Variants in STIM2 observed in about 807,000 individuals in gnomAD.
STIM2 encodes stromal interaction molecule 2.
Under a neutral mutation model 85.8 loss-of-function variants are expected in STIM2, and 31 were observed. The observed-to-expected ratio is 0.36, with a 90% CI of 0.27 to 0.49. The LOEUF (loss-of-function observed/expected upper bound fraction) is 0.49. Ranked by LOEUF, STIM2 falls within the 20% of genes least tolerant of loss-of-function variation. The pLI, the probability that STIM2 is intolerant of heterozygous loss-of-function variation, is 0.98. For synonymous variants in STIM2, 356 were observed against 331.1 expected (o/e 1.08, Z -0.82); for missense variants, 841 against 927.6 (o/e 0.91, Z 1.21).
At chr4:26,892,812 A>G (rs1341204214) in intron 1 of STIM2, among the ~76,000 whole-genome samples, 1 of 152,204 alleles carries the variant, frequency 6.6e-6, no homozygotes, top group Non-Finnish European at 1.5e-5. Context: ...CTTGCTAGCT[A>G]AAAACAAACT....
At chr4:26,991,141 T>G (rs756067206) in intron 3 of STIM2, among the ~76,000 whole-genome samples, 5 of 152,164 alleles carry the variant, frequency 3.3e-5, no homozygotes, top group Non-Finnish European at 5.9e-5. Context: ...TCATGTTTAC[T>G]GCAGCACTAT....
chr4:26,911,944 G>A lies in STIM2; in HGVS notation c.152-7560G>A, dbSNP rs1474688496. Reference sequence around the variant, plus strand: ...AAGGGAATACTAGGAATATGAAAAAGACTTTGCCCTAGAGAGGGTATCAGA... The same window carrying A: ...AAGGGAATACTAGGAATATGAAAAAAACTTTGCCCTAGAGAGGGTATCAGA... On this transcript the variant is annotated intron_variant, in intron 1 of 11. Transcript: ENST00000467087. Among the ~76,000 whole-genome samples the A allele has an allele frequency of 2.0e-5, 3 of 152,260 alleles. No individual in the cohort carries two copies. The South Asian group carries it at 6.2e-4, about 32-fold the overall frequency.
intron 10 of STIM2, among the ~76,000 whole-genome samples, chr4:27,016,569 G>T (rs1170681663): frequency 6.6e-6 from 1 of 152,148 alleles, no homozygotes; most frequent in Admixed American, 6.5e-5. Context: ...TGAGATGTAG[G>T]CTCAGAGTAT....
intron 1 of STIM2, among the ~76,000 whole-genome samples, chr4:26,885,016 T>TA (rs1723162391): frequency 1.3e-5 from 2 of 152,236 alleles, no homozygotes. Flanking sequence ...AAATTATTTC[T>TA]AAAACGTGTG....
intron 1 of STIM2, among the ~76,000 whole-genome samples, chr4:26,882,839 CT>C (rs59438121): frequency 2.0e-3 from 268 of 137,168 alleles, no homozygotes; most frequent in Middle Eastern, 3.9e-3. Context: ...CCTTTTCTTT[CT>C]TTTTTTTTTT....
intron 1 of STIM2, among the ~76,000 whole-genome samples, chr4:26,896,261 G>A (rs1342877093): frequency 1.3e-5 from 2 of 152,208 alleles, no homozygotes; most frequent in African/African-American, 2.4e-5. Context: ...GAGCTCATTA[G>A]ATAAGGTCAT....
chr4:26,892,625 G>C (rs1363888356), intron 1 of STIM2, among the ~76,000 whole-genome samples: 8 of 152,056 alleles, frequency 5.3e-5, no homozygotes, highest in Non-Finnish European at 1.0e-4. Context: ...AATAAGCTTA[G>C]AGTAATTGCA....
intron 3 of STIM2, among the ~76,000 whole-genome samples, chr4:26,988,490 A>G (rs1727659171): frequency 6.6e-6 from 1 of 152,202 alleles, no homozygotes; most frequent in African/African-American, 2.4e-5. Context: ...GGCTGCAAGT[A>G]TGACTAGACC....
chr4:27,021,284 A>G lies in STIM2; in HGVS notation c.1764-1235A>G, dbSNP rs184684594. On this transcript the variant is annotated intron_variant, in intron 11 of 11. Transcript: ENST00000467087. ...GCCTATAAACAAGTTAATATAAAAT[A>G]TCATTTTAGGTTTTGGTAAGTTTTG... The G allele has an allele frequency of 5.8e-4, 287 of 492,320 alleles. 1 individual carries two copies. Among genetic ancestry groups the G allele is most frequent in the Non-Finnish European group, 9.2e-5 (25 of 271,572 alleles). The allele number at this position is 492,320 out of a possible 1,614,324, so 30.5% of individuals were successfully genotyped here. A position where few individuals can be genotyped will look rare whatever the true frequency, so the allele number is the denominator to read the frequency against.
chr4:27,007,209 A>AT (rs1448295447), intron 7 of STIM2, among the ~76,000 whole-genome samples: 1 of 152,088 alleles, frequency 6.6e-6, no homozygotes, highest in Non-Finnish European at 1.5e-5. Flanking sequence ...TCTGGTTTTC[A>AT]TAACATACAA....
Position 27,007,587 on chromosome 4 carries a change from T to A in STIM2, c.1036T>A (p.Ser346Thr). ...AGAATTTGAACTGAGAAGCAGTTGG[T>A]CTGTTCCAGATGCACTTCAGAAATG... The change falls in exon 8 of 12, where the codon TCT becomes ACT. Residue 346 changes from serine to threonine, a missense_variant. Transcript: ENST00000467087. 6.3e-7 allele frequency: 1 copy of A among 1,597,826 alleles called. No individual in the cohort carries two copies.
intron 3 of STIM2, among the ~76,000 whole-genome samples, chr4:26,970,697 A>G (rs1194178820): frequency 1.3e-5 from 2 of 152,208 alleles, no homozygotes; most frequent in Admixed American, 6.5e-5. Context: ...TAGTGCCGCA[A>G]TAAACACGTG....
Position 26,919,521 on chromosome 4 carries a change from A to T in STIM2, c.169A>T (p.Ser57Cys), listed in dbSNP as rs777357647. ...TCTTTCAGATCCCTGCATGTCACTG[A>T]GTCCACCATGCTTTACAGAAGAAGA... is the stretch of plus-strand genomic sequence containing the variant. Residue 57 changes from serine to cysteine, a missense_variant, in exon 2 of 12, where the codon AGT becomes TGT. By Grantham distance (112) the Ser-to-Cys change is moderately radical (BLOSUM62 -1). Around this residue, in one of 3 missense-constraint regions of STIM2, gnomAD observed 140 missense variants for 117.7 expected, o/e 1.19. Transcript: ENST00000467087. The T allele has an allele frequency of 1.5e-5, 24 of 1,613,410 alleles. No individual in the cohort carries two copies. The highest frequency in any genetic ancestry group is 1.9e-5 in the Non-Finnish European group (23 of 1,179,714).
intron 1 of STIM2, among the ~76,000 whole-genome samples, chr4:26,868,560 T>A (rs1424400559): frequency 6.6e-6 from 1 of 152,212 alleles, no homozygotes; most frequent in Non-Finnish European, 1.5e-5. Context: ...GTGAAAGTGA[T>A]TTGTAGTTTC....
chr4:26,961,290 A>G (rs560482596), intron 3 of STIM2, among the ~76,000 whole-genome samples: 1 of 152,300 alleles, frequency 6.6e-6, no homozygotes, highest in Admixed American at 6.5e-5. Context: ...TCCTGTTTGT[A>G]GCTTGCTGTA....
intron 2 of STIM2, among the ~76,000 whole-genome samples, chr4:26,938,238 A>G (rs536365128): frequency 6.6e-6 from 1 of 152,076 alleles, no homozygotes; most frequent in South Asian, 2.1e-4. Flanking sequence ...TTTAACAAAT[A>G]AAGATTGTGT....
chr4:26,906,134 A>T (rs1428537021), intron 1 of STIM2, among the ~76,000 whole-genome samples: 1 of 152,196 alleles, frequency 6.6e-6, no homozygotes, highest in Non-Finnish European at 1.5e-5. Flanking sequence ...AGCAACATGG[A>T]TAGAGCTGGA....
intron 3 of STIM2, among the ~76,000 whole-genome samples, chr4:26,972,409 C>T (rs868024610): frequency 6.6e-6 from 1 of 152,126 alleles, no homozygotes; most frequent in African/African-American, 2.4e-5. Context: ...TTTTGAGATA[C>T]ATTCCATTAA....
chr4:26,977,459 G>A (rs1470367369), intron 3 of STIM2, among the ~76,000 whole-genome samples: 1 of 152,190 alleles, frequency 6.6e-6, no homozygotes, highest in Non-Finnish European at 1.5e-5. Flanking sequence ...TAATTACTGT[G>A]TGAATATTAG....
Sources: allele counts gnomAD v4.1 joint callset (sites outside exome capture counted in the v4.1 genomes callset), GRCh38; gene constraint gnomAD v4.1.1; regional missense constraint gnomAD v4.1.1; transcripts MANE v1.5; gene names NCBI Gene and HGNC (gene_info 2026-07-23, HGNC 2026-07-21).